The following C1QTNF3 variants were observed in gnomAD, a reference collection of about 807,000 sequenced individuals.
The protein encoded by C1QTNF3 is complement C1q tumor necrosis factor-related protein 3.
Under a neutral mutation model 32.6 loss-of-function variants are expected in C1QTNF3, and 26 were observed. The ratio of observed to expected loss-of-function variants is 0.80; its 90% CI spans 0.58 to 1.11. C1QTNF3 has a LOEUF of 1.11. Among genes scored for constraint, C1QTNF3 ranks in the 50% least tolerant of loss-of-function variants. The probability of loss-of-function intolerance (pLI) is 0.00; values close to 1 mark genes in which losing one functional copy is unlikely to be tolerated. For missense variants in C1QTNF3, 362 were observed against 398.2 expected (o/e 0.91, Z 0.77); for synonymous variants, 155 against 146.0 (o/e 1.06, Z -0.44).
At chr5:34,034,374 A>G (rs1418342273) in intron 2 of C1QTNF3, among the ~76,000 whole-genome samples, 1 of 152,240 alleles carries the variant, frequency 6.6e-6, no homozygotes, top group East Asian at 1.9e-4. Context: ...TTTCTACAAA[A>G]AACACATCAC....
At chr5:34,047,585 T>C (rs933955667), upstream of C1QTNF3, among the ~76,000 whole-genome samples, 1 of 152,204 alleles carries the variant, frequency 6.6e-6, no homozygotes, top group Non-Finnish European at 1.5e-5. Flanking sequence ...GCAGTGGAAA[T>C]GTGACCCACC....
At chr5:34,065,495 C>A in the C1QTNF3 span, among the ~76,000 whole-genome samples, 2 of 152,088 alleles carry the variant, frequency 1.3e-5, no homozygotes, top group Non-Finnish European at 2.9e-5. Context: ...GGTGAAACCC[C>A]ATCTCCACTA....
the C1QTNF3 span, among the ~76,000 whole-genome samples, chr5:34,126,673 C>T: frequency 7.4e-5 from 11 of 148,104 alleles, no homozygotes; most frequent in African/African-American, 2.2e-4. Context: ...TTCATAACAG[C>T]CAAGTTACGG....
the C1QTNF3 span, among the ~76,000 whole-genome samples, chr5:34,204,431 T>C: frequency 6.6e-6 from 1 of 152,224 alleles, no homozygotes; most frequent in East Asian, 1.9e-4. Context: ...AATAAAATCA[T>C]GTCTTTTGTA....
At chr5:34,156,340 G>C in the C1QTNF3 span, among the ~76,000 whole-genome samples, 1 of 152,114 alleles carries the variant, frequency 6.6e-6, no homozygotes, top group Non-Finnish European at 1.5e-5. Flanking sequence ...CAAAGTGCTG[G>C]GATTACAGGC....
At chr5:34,143,447 G>A in the C1QTNF3 span, among the ~76,000 whole-genome samples, 1 of 152,274 alleles carries the variant, frequency 6.6e-6, no homozygotes, top group African/African-American at 2.4e-5. Flanking sequence ...GCCAGATGCT[G>A]TAAAAGGCAA....
At chr5:34,235,741 C>T in the C1QTNF3 span, among the ~76,000 whole-genome samples, 2 of 151,922 alleles carry the variant, frequency 1.3e-5, no homozygotes, top group Non-Finnish European at 2.9e-5. Flanking sequence ...CATTTCAACC[C>T]TCTGAGTTTG....
At chr5:34,222,575 T>C in the C1QTNF3 span, among the ~76,000 whole-genome samples, 1 of 152,026 alleles carries the variant, frequency 6.6e-6, no homozygotes, top group Non-Finnish European at 1.5e-5. Flanking sequence ...TGGGTATATA[T>C]GCAATTTCAT....
At chr5:34,160,014 C>A in the C1QTNF3 span, among the ~76,000 whole-genome samples, 1 of 152,122 alleles carries the variant, frequency 6.6e-6, no homozygotes, top group Non-Finnish European at 1.5e-5. Flanking sequence ...TACCTTTAGA[C>A]CAAAGAAGCT....
chr5:34,137,556 A>C, the C1QTNF3 span, among the ~76,000 whole-genome samples: 2 of 152,176 alleles, frequency 1.3e-5, no homozygotes, highest in African/African-American at 4.8e-5. Context: ...ACAAAACACT[A>C]TATGTGGGCA....
chr5:34,084,046 A>C, the C1QTNF3 span, among the ~76,000 whole-genome samples: 33 of 151,778 alleles, frequency 2.2e-4, no homozygotes, highest in South Asian at 6.6e-3. Flanking sequence ...TATCTTTCTA[A>C]AAGTCATGGT....
chr5:34,176,961 G>A, the C1QTNF3 span, among the ~76,000 whole-genome samples: 1 of 152,196 alleles, frequency 6.6e-6, no homozygotes, highest in Admixed American at 6.5e-5. Flanking sequence ...GGGAGGTCGA[G>A]GCAGGAGGAT....
chr5:34,042,936 T>C lies in C1QTNF3; in HGVS notation c.190A>G (p.Lys64Glu). ...REKVRERSHP[K>E]TGTVDNNTST... ...GTGTTATTATCCACAGTCCCAGTTT[T>C]AGGATGGCTCCGCTCTCTCACTTTC... is the stretch of plus-strand genomic sequence containing the variant. Residue 64 changes from lysine to glutamate, a missense_variant, in exon 1 of 6, where the codon AAA (lysine) becomes GAA (glutamate). By Grantham distance (56) the Lys-to-Glu change is moderately conservative (BLOSUM62 1). Transcript: ENST00000382065. 1 of 1,614,184 alleles carries C rather than the reference T, an allele frequency of 6.2e-7. No individual in the cohort carries two copies. Among genetic ancestry groups the C allele is most frequent in the Admixed American group, 1.7e-5 (1 of 60,018 alleles).
the C1QTNF3 span, among the ~76,000 whole-genome samples, chr5:34,058,203 CTTCT>C: frequency 6.6e-6 from 1 of 152,016 alleles, no homozygotes; most frequent in Non-Finnish European, 1.5e-5. Context: ...TCATTTGAGG[CTTCT>C]TTTTTTTTCA....
the C1QTNF3 span, among the ~76,000 whole-genome samples, chr5:34,121,527 G>C: frequency 1.3e-5 from 2 of 152,068 alleles, no homozygotes; most frequent in African/African-American, 4.8e-5. Context: ...ACTATCATGA[G>C]AACACTATGA....
chr5:34,022,117 G>A (rs2112094878), intron 5 of C1QTNF3, among the ~76,000 whole-genome samples: 1 of 152,336 alleles, frequency 6.6e-6, no homozygotes, highest in Admixed American at 6.5e-5. Flanking sequence ...AAAGTATATG[G>A]AGTGTGGTTT....
intron 5 of C1QTNF3, among the ~76,000 whole-genome samples, chr5:34,022,986 G>C (rs1754376213): frequency 6.6e-6 from 1 of 152,166 alleles, no homozygotes; most frequent in African/African-American, 2.4e-5. Flanking sequence ...CTCCCGAGTA[G>C]CTGGGACTAC....
the C1QTNF3 span, among the ~76,000 whole-genome samples, chr5:34,212,082 C>A: frequency 1.3e-5 from 2 of 151,420 alleles, no homozygotes; most frequent in Non-Finnish European, 1.5e-5. Context: ...CAGAACAGAG[C>A]CCTCAGAAAT....
At chr5:34,196,301 C>T in the C1QTNF3 span, among the ~76,000 whole-genome samples, 10 of 151,870 alleles carry the variant, frequency 6.6e-5, no homozygotes, top group Admixed American at 2.0e-4. Context: ...CGTGCACCAC[C>T]ATGCCCAGCT....
Sources: gnomAD v4.1 joint callset for allele counts (sites outside exome capture counted in the v4.1 genomes callset) on GRCh38, gnomAD v4.1.1 for gene constraint, MANE v1.5 for transcripts, NCBI Gene and HGNC (gene_info 2026-07-23, HGNC 2026-07-21) for gene names.